Variants in PPP2R5C observed in about 807,000 individuals in gnomAD.
PPP2R5C encodes the protein serine/threonine-protein phosphatase 2A 56 kDa regulatory subunit gamma isoform.
Under a neutral mutation model 68.9 loss-of-function variants are expected in PPP2R5C, and 7 were observed. The observed-to-expected ratio is 0.10, with a 90% CI of 0.06 to 0.19. PPP2R5C has a LOEUF of 0.19. PPP2R5C is among the 10% of genes least tolerant of loss of function. The probability of loss-of-function intolerance (pLI) is 1.00; values close to 1 mark genes in which losing one functional copy is unlikely to be tolerated. For missense variants in PPP2R5C, 348 were observed against 641.3 expected (o/e 0.54, Z 4.94); for synonymous variants, 210 against 222.2 (o/e 0.95, Z 0.49).
intron 2 of PPP2R5C, among the ~76,000 whole-genome samples, chr14:101,779,952 C>T (rs1185708854): frequency 2.6e-5 from 4 of 152,068 alleles, no homozygotes; most frequent in East Asian, 1.9e-4. Context: ...ACATAGTAGT[C>T]GAGGGAATCA....
chr14:101,826,840 A>G (rs576431051), intron 1 of PPP2R5C, among the ~76,000 whole-genome samples: 1 of 152,090 alleles, frequency 6.6e-6, no homozygotes, highest in South Asian at 2.1e-4. Flanking sequence ...CTGGGCACTT[A>G]GTCTGAAATG....
intron 10 of PPP2R5C, among the ~76,000 whole-genome samples, chr14:101,907,647 G>A (rs2046121178): frequency 6.6e-6 from 1 of 152,172 alleles, no homozygotes; most frequent in Admixed American, 6.5e-5. Context: ...GGTGAGGAAG[G>A]TGAGACTTGG....
intron 1 of PPP2R5C, among the ~76,000 whole-genome samples, chr14:101,816,909 T>TAA (rs1158723953): frequency 7.3e-6 from 1 of 137,502 alleles, no homozygotes; most frequent in African/African-American, 2.8e-5. Flanking sequence ...AATATATATA[T>TAA]AATATATATA....
At chr14:101,818,747 T>C (rs574218335) in intron 1 of PPP2R5C, 1 of 334,862 alleles carries the variant, frequency 3.0e-6, no homozygotes, top group East Asian at 4.9e-5. Context: ...TTAAATAATA[T>C]TTGAAATAAG....
intron 13 of PPP2R5C, chr14:101,921,490 C>T (rs191471764): frequency 2.6e-5 from 4 of 151,860 alleles, no homozygotes; most frequent in Admixed American, 2.0e-4. Flanking sequence ...CCACTGCCCT[C>T]CAGCCTGGGT....
intron 2 of PPP2R5C, among the ~76,000 whole-genome samples, chr14:101,868,869 C>A (rs1311049646): frequency 6.6e-6 from 1 of 152,116 alleles, no homozygotes; most frequent in African/African-American, 2.4e-5. Context: ...GTCACGTCTT[C>A]CGCACCACAG....
At chr14:101,786,589 TA>T (rs1213492898) in intron 3 of PPP2R5C, among the ~76,000 whole-genome samples, 3 of 152,220 alleles carry the variant, frequency 2.0e-5, no homozygotes, top group Non-Finnish European at 4.4e-5. Context: ...CCTATGTTTC[TA>T]AAGTAAGGAC....
chr14:101,814,727 A>G (rs2039557824), intron 1 of PPP2R5C, among the ~76,000 whole-genome samples: 1 of 152,256 alleles, frequency 6.6e-6, no homozygotes, highest in South Asian at 2.1e-4. Context: ...ACCCAGGAAA[A>G]GAATAGACAG....
At chr14:101,778,101 G>A (rs909351565) in intron 2 of PPP2R5C, among the ~76,000 whole-genome samples, 1 of 152,172 alleles carries the variant, frequency 6.6e-6, no homozygotes, top group Non-Finnish European at 1.5e-5. Context: ...GTTTGAAAAA[G>A]AATAGGTATC....
intron 1 of PPP2R5C, chr14:101,831,830 T>G (rs374372589): frequency 2.5e-5 from 17 of 691,716 alleles, no homozygotes; most frequent in East Asian, 5.4e-5. Context: ...CTAGAAGCAA[T>G]CCCCAACATG....
Position 101,871,900 on chromosome 14 carries a change from TCTC to T in PPP2R5C, c.295-10257_295-10255del, listed in dbSNP as rs2043443159. On this transcript the variant is annotated intron_variant, in intron 2 of 13. Transcript: ENST00000334743. ...ACATTTACAACAGTATACTTCTATT[TCTC>T]CTCTCCCAGCCTTTCCGCTATTATC... is the stretch of plus-strand genomic sequence containing the variant. 4.6e-5 allele frequency among the ~76,000 whole-genome samples: 7 copies of T among 152,310 alleles called. No individual in the cohort carries two copies. The South Asian group carries it at 1.5e-3, about 32-fold the overall frequency.
rs2037942519 is a variant in PPP2R5C at position 101,783,547 on chromosome 14, TG to T, written c.94-2469del. On this transcript the variant is annotated intron_variant, in intron 2 of 14. Transcript: ENST00000328724. ...CCTGACGAGAGAATGGAGTGGGGCA[TG>T]GTGGCCAAAAGGCCAAGGGCCCCTT... Among the ~76,000 whole-genome samples, 4 of 151,718 alleles carry T rather than the reference TG, an allele frequency of 2.6e-5. No individual in the cohort carries two copies. The South Asian group carries it at 8.3e-4, about 32-fold the overall frequency.
upstream of PPP2R5C, chr14:101,760,690 C>A: frequency 1.2e-6 from 1 of 816,860 alleles, no homozygotes; most frequent in Non-Finnish European, 1.4e-6. Flanking sequence ...GTCGGATGGG[C>A]GGGACCTCGC....
intron 5 of PPP2R5C, among the ~76,000 whole-genome samples, chr14:101,885,497 G>A (rs545938304): frequency 5.0e-5 from 7 of 139,362 alleles, no homozygotes; most frequent in South Asian, 2.1e-4. Flanking sequence ...CTCCCATCCC[G>A]TGCCGGCTTG....
chr14:101,842,483 C>T lies in PPP2R5C; in HGVS notation c.95-14203C>T, dbSNP rs1171533345. On this transcript the variant is annotated intron_variant, in intron 1 of 13. Transcript: ENST00000334743. The stretch of plus-strand genomic sequence containing the variant: ...GTGAGGAGCAAGCTGGGGTTCGGCC[C>T]CAACCGGGGTGCTCTGCGTGCACTC... Among the ~76,000 whole-genome samples, 11 of 152,336 alleles carry T rather than the reference C, an allele frequency of 7.2e-5. 1 individual carries two copies. In the South Asian group the frequency reaches 2.1e-3, roughly 29 times the overall value.
intron 1 of PPP2R5C, chr14:101,836,492 T>C (rs1193230748): frequency 1.6e-6 from 1 of 625,774 alleles, no homozygotes; most frequent in Non-Finnish European, 2.9e-6. Flanking sequence ...TTATGTCTCA[T>C]GCCAGGATCT....
intron 3 of PPP2R5C, among the ~76,000 whole-genome samples, chr14:101,796,241 A>G (rs2038602354): frequency 1.3e-5 from 2 of 152,268 alleles, no homozygotes; most frequent in South Asian, 4.1e-4. Context: ...GAAGAATAAT[A>G]AAAATGGACT....
intron 2 of PPP2R5C, among the ~76,000 whole-genome samples, chr14:101,878,108 A>T (rs530208242): frequency 1.3e-5 from 2 of 152,338 alleles, no homozygotes; most frequent in South Asian, 2.1e-4. Flanking sequence ...CTTTGCTCCG[A>T]GCAAGTGCAG....
rs547454893 is a variant in PPP2R5C at position 101,835,061 on chromosome 14, A to G, written c.95-21625A>G. 9.7e-4 allele frequency among the ~76,000 whole-genome samples: 144 copies of G among 147,704 alleles called. No individual in the cohort carries two copies. The highest frequency in any genetic ancestry group is 3.4e-3 in the African/African-American group (137 of 40,752). On this transcript the variant is annotated intron_variant, in intron 1 of 13. Transcript: ENST00000334743. The surrounding 1 kb of genome is among the most constrained non-coding windows in gnomAD (Gnocchi z 5.0). ...TATTCAAAGCACATTCACAGTAAGG[A>G]AAAAAAAAATGCAGCCTGTGTCTTC... is the stretch of plus-strand genomic sequence containing the variant.
Sources: gnomAD v4.1 joint callset for allele counts (sites outside exome capture counted in the v4.1 genomes callset) on GRCh38, gnomAD v4.1.1 for gene constraint, Gnocchi (gnomAD v3.1) non-coding constraint, MANE v1.5 for transcripts, NCBI Gene and HGNC (gene_info 2026-07-23, HGNC 2026-07-21) for gene names.